The following PDE4B variants were observed in gnomAD, a reference collection of about 807,000 sequenced individuals.
PDE4B encodes phosphodiesterase 4B, also known as 3',5'-cyclic-AMP phosphodiesterase 4B.
In PDE4B, 20 loss-of-function variants were observed where a neutral mutation model predicts 82.2. That is an observed-to-expected ratio of 0.24 (90% CI 0.17 to 0.35). The LOEUF is 0.35. Among genes scored for constraint, PDE4B ranks in the 10% least tolerant of loss-of-function variants. The pLI is 1.00. For synonymous variants in PDE4B, 320 were observed against 318.9 expected, an observed-to-expected ratio of 1.00 and a Z score of -0.04; for missense variants, 655 against 907.2, an observed-to-expected ratio of 0.72 and a Z score of 3.57.
intron 7 of PDE4B, among the ~76,000 whole-genome samples, chr1:66,277,696 A>G (rs891481482): frequency 6.6e-6 from 1 of 152,158 alleles, no homozygotes; most frequent in Non-Finnish European, 1.5e-5. Context: ...GCCCGGCCTT[A>G]TATGCATTTT....
At chr1:66,159,245 C>CTTT (rs34101261) in intron 3 of PDE4B, among the ~76,000 whole-genome samples, 1 of 139,782 alleles carries the variant, frequency 7.2e-6, no homozygotes. Context: ...TAAAATAAAA[C>CTTT]TTTTTTTTTT....
At chr1:66,019,947 G>A (rs2503211) in intron 3 of PDE4B, among the ~76,000 whole-genome samples, 149,369 of 152,306 alleles carry the variant, frequency 0.98, 73,302 homozygotes, top group Middle Eastern at 1. Flanking sequence ...TGGATTCTTC[G>A]TTTAGGTCTG....
At chr1:65,877,805 C>A (rs1646663702) in intron 1 of PDE4B, among the ~76,000 whole-genome samples, 1 of 151,598 alleles carries the variant, frequency 6.6e-6, no homozygotes. Flanking sequence ...TAGGTAATAC[C>A]ATTCAGGACA....
chr1:66,261,558 G>A (rs1654683436), intron 6 of PDE4B, among the ~76,000 whole-genome samples: 1 of 152,072 alleles, frequency 6.6e-6, no homozygotes, highest in Admixed American at 6.6e-5. Flanking sequence ...TGGTTAGTGT[G>A]GTTTATTGTA....
intron 3 of PDE4B, among the ~76,000 whole-genome samples, chr1:65,965,250 C>CG (rs901056111): frequency 6.6e-6 from 1 of 151,936 alleles, no homozygotes; most frequent in Admixed American, 6.6e-5. Context: ...ATTTCCTCCC[C>CG]CCCCCATGGA....
chr1:66,368,998 T>C (rs1440469131), intron 16 of PDE4B, 29 bp downstream of exon 16: 11 of 1,547,760 alleles, frequency 7.1e-6, no homozygotes, highest in African/African-American at 1.4e-5. Context: ...TCAAAGTTTT[T>C]GTGAGCTCTG....
chr1:65,908,383 A>G (rs1647050693), intron 1 of PDE4B, among the ~76,000 whole-genome samples: 1 of 152,170 alleles, frequency 6.6e-6, no homozygotes, highest in Non-Finnish European at 1.5e-5. Flanking sequence ...CTTGGGGCTG[A>G]AAGACATTGG....
chr1:65,812,291 T>C (rs901560463), intron 1 of PDE4B, among the ~76,000 whole-genome samples: 3 of 152,178 alleles, frequency 2.0e-5, no homozygotes, highest in African/African-American at 7.2e-5. Context: ...TCTAAATTTC[T>C]GGGTCCTCTT....
chr1:66,060,677 A>C lies in PDE4B; in HGVS notation c.281+141842A>C, dbSNP rs564200015. 2.6e-5 allele frequency among the ~76,000 whole-genome samples: 4 copies of C among 152,344 alleles called. No individual in the cohort carries two copies. In the South Asian group the frequency reaches 8.3e-4, roughly 32 times the overall value. ...CATTTCTTTTTACTTGTTTTAAAAC[A>C]TAGCTACTAAAAAATTTATAATTCT... On this transcript the variant is annotated intron_variant, in intron 3 of 16. Coordinates refer to ENST00000341517, the MANE Select transcript of PDE4B (RefSeq NM_002600.4).
chr1:65,946,883 G>T (rs1648741299), intron 3 of PDE4B, among the ~76,000 whole-genome samples: 3 of 151,988 alleles, frequency 2.0e-5, no homozygotes, highest in African/African-American at 4.8e-5. Flanking sequence ...GAGGTCTGCT[G>T]AACATTGTGA....
chr1:66,190,564 C>T (rs961870577), intron 3 of PDE4B, among the ~76,000 whole-genome samples: 1 of 152,194 alleles, frequency 6.6e-6, no homozygotes. Context: ...TCGCTGCCTG[C>T]AACCTTGCAG....
intron 3 of PDE4B, among the ~76,000 whole-genome samples, chr1:65,961,990 T>C (rs1168273361): frequency 6.6e-6 from 1 of 152,172 alleles, no homozygotes; most frequent in Non-Finnish European, 1.5e-5. Flanking sequence ...TACAACCTGA[T>C]AAACCCATTA....
intron 8 of PDE4B, among the ~76,000 whole-genome samples, chr1:66,339,509 CT>C (rs1396119558): frequency 6.6e-6 from 1 of 152,144 alleles, no homozygotes; most frequent in African/African-American, 2.4e-5. Context: ...ATCTTTCTGC[CT>C]AACTCACTTG....
In PDE4B at chr1:66,064,741, T is replaced by C. The variant is rs201542067; in HGVS notation, c.281+145906T>C. Among the ~76,000 whole-genome samples the C allele has an allele frequency of 1.8e-4, 27 of 152,128 alleles. No individual in the cohort carries two copies. The East Asian group carries it at 4.1e-3, about 23-fold the overall frequency. On this transcript the variant is annotated intron_variant, in intron 3 of 16. Coordinates refer to ENST00000341517, the MANE Select transcript of PDE4B (RefSeq NM_002600.4). The stretch of plus-strand genomic sequence containing the variant: ...ACACTGCACTTTGCTTTCCCATCTT[T>C]ATTAGAATGCTATATCTTATGTTTT...
chr1:66,240,806 C>T (rs1652833453), intron 3 of PDE4B, among the ~76,000 whole-genome samples: 1 of 143,856 alleles, frequency 7.0e-6, no homozygotes, highest in African/African-American at 2.9e-5. Context: ...TCCAAAATGT[C>T]TGCAAGTTGT....
chr1:66,216,999 A>G (rs919363161), intron 3 of PDE4B, among the ~76,000 whole-genome samples: 7 of 152,136 alleles, frequency 4.6e-5, no homozygotes, highest in African/African-American at 1.7e-4. Context: ...TAAAGCCTCG[A>G]ACTTAAATTA....
At chr1:66,241,829 AAAG>A (rs1652915256) in intron 3 of PDE4B, among the ~76,000 whole-genome samples, 1 of 152,244 alleles carries the variant, frequency 6.6e-6, no homozygotes, top group Admixed American at 6.5e-5. Context: ...GAGAATGCGG[AAAG>A]AAGAACCTAG....
chr1:66,171,460 T>TATCAGACTTTTGATA (rs1553153973), intron 3 of PDE4B, among the ~76,000 whole-genome samples: 2 of 152,170 alleles, frequency 1.3e-5, no homozygotes, highest in African/African-American at 4.8e-5. Context: ...GATATATAAC[T>TATCAGACTTTTGATA]AATGTCATTG....
chr1:65,987,838 C>T (rs568141765), intron 3 of PDE4B, among the ~76,000 whole-genome samples: 150 of 152,238 alleles, frequency 9.9e-4, no homozygotes, highest in Middle Eastern at 6.8e-3. Flanking sequence ...AGTCCTGAAC[C>T]CCCCACATCA....
Sources: gnomAD v4.1 joint callset for allele counts (sites outside exome capture counted in the v4.1 genomes callset) on GRCh38, gnomAD v4.1.1 for gene constraint, MANE v1.5 for transcripts, NCBI Gene and HGNC (gene_info 2026-07-23, HGNC 2026-07-21) for gene names.